RBMS2: variants seen among roughly 807,000 people sequenced by gnomAD.
The protein encoded by RBMS2 is RNA-binding motif, single-stranded-interacting protein 2.
Under a neutral mutation model 58.4 loss-of-function variants are expected in RBMS2, and 38 were observed. That is an observed-to-expected ratio of 0.65 (90% CI 0.50 to 0.85). The LOEUF (loss-of-function observed/expected upper bound fraction) is 0.85, where lower values mean the gene tolerates loss of function less well. Ranked by LOEUF, RBMS2 falls within the 40% of genes least tolerant of loss-of-function variation. RBMS2 has a pLI of 0.00. For synonymous variants in RBMS2, 151 were observed against 180.7 expected (o/e 0.84, Z 1.32); for missense variants, 367 against 503.7 (o/e 0.73, Z 2.60).
At chr12:56,539,085 G>A (rs1048963653) in intron 1 of RBMS2, among the ~76,000 whole-genome samples, 13 of 149,278 alleles carry the variant, frequency 8.7e-5, no homozygotes, top group African/African-American at 3.2e-4. Flanking sequence ...GCGCAATCTC[G>A]GCTTACTGCA....
chr12:56,583,569 G>A (rs1884265320), intron 9 of RBMS2, among the ~76,000 whole-genome samples: 1 of 151,952 alleles, frequency 6.6e-6, no homozygotes, highest in African/African-American at 2.4e-5. Flanking sequence ...CCAGAGAATT[G>A]CTTGAACCCA....
Position 56,595,953 on chromosome 12 carries a change from T to A in RBMS2, c.*6820T>A, listed in dbSNP as rs1174948119. Reference sequence around the variant, plus strand: ...AATCTCTATCAAATGTGGTTTTTTTTATTCAACAACTGACAAGCACTTTTC... The same window carrying A: ...AATCTCTATCAAATGTGGTTTTTTTAATTCAACAACTGACAAGCACTTTTC... On this transcript the variant is annotated 3_prime_UTR_variant, in exon 14 of 14. Coordinates refer to ENST00000262031, the MANE Select transcript of RBMS2 (RefSeq NM_002898.4). 2.7e-5 allele frequency: 4 copies of A among 149,618 alleles called. No homozygotes were observed. The highest frequency in any genetic ancestry group is 4.0e-4 in the East Asian group (2 of 5,060). The allele number at this position is 149,618 out of a possible 1,614,324, so 9.3% of individuals were successfully genotyped here.
At chr12:56,567,850 T>G (rs1881630387) in intron 2 of RBMS2, among the ~76,000 whole-genome samples, 1 of 152,006 alleles carries the variant, frequency 6.6e-6, no homozygotes, top group Admixed American at 6.6e-5. Context: ...CACACAATTT[T>G]TTTTTTAATA....
intron 1 of RBMS2, among the ~76,000 whole-genome samples, chr12:56,529,453 A>C (rs1362900898): frequency 6.6e-6 from 1 of 151,906 alleles, no homozygotes; most frequent in Non-Finnish European, 1.5e-5. Context: ...AGCCCCAGCT[A>C]CTCGGAAGGC....
chr12:56,539,846 CCTT>C (rs1484741440), intron 1 of RBMS2: 17 of 268,282 alleles, frequency 6.3e-5, no homozygotes, highest in Non-Finnish European at 1.1e-4. Flanking sequence ...CTCACATAAA[CCTT>C]CTAAAAACTG....
At chr12:56,525,264 C>T (rs1872451403) in intron 1 of RBMS2, among the ~76,000 whole-genome samples, 1 of 152,084 alleles carries the variant, frequency 6.6e-6, no homozygotes, top group Non-Finnish European at 1.5e-5. Context: ...CCCTGTCACC[C>T]AGGCTGGAGT....
intron 5 of RBMS2, among the ~76,000 whole-genome samples, chr12:56,577,156 C>A (rs1158096930): frequency 6.6e-6 from 1 of 151,844 alleles, no homozygotes; most frequent in Non-Finnish European, 1.5e-5. Flanking sequence ...GTAAGCCCAG[C>A]ACTTTGGGAG....
chr12:56,582,870 A>G (rs554997759), intron 9 of RBMS2, among the ~76,000 whole-genome samples: 23 of 152,068 alleles, frequency 1.5e-4, no homozygotes, highest in African/African-American at 5.3e-4. Context: ...GGGTTTCACC[A>G]TGTTGGCCAG....
chr12:56,595,058 G>C lies in RBMS2; in HGVS notation c.*5925G>C, dbSNP rs904368278. 1 of 152,272 alleles carries C rather than the reference G, an allele frequency of 6.6e-6. No homozygotes were observed. The highest frequency in any genetic ancestry group is 2.1e-4 in the South Asian group (1 of 4,826). 9.4% of individuals were successfully genotyped at this position (152,272 alleles called of 1,614,324 possible). On this transcript the variant is annotated 3_prime_UTR_variant, in exon 14 of 14. Transcript: ENST00000262031. ...GATAGGTCCTGCTGTGATAGGCCAG[G>C]GGAGTAGGCTGTGCAGTGACGGCTT...
chr12:56,588,627 A>G lies in RBMS2; in HGVS notation c.1143+253A>G, dbSNP rs371748361. ...GTGAAGCGTTCCATATTTAAAAAAA[A>G]AACAACAGCAGATGTAGGAAAGAAG... is the stretch of plus-strand genomic sequence containing the variant. On this transcript the variant is annotated intron_variant, in intron 12 of 13. Coordinates refer to ENST00000262031, the MANE Select transcript of RBMS2 (RefSeq NM_002898.4). The G allele has an allele frequency of 3.5e-3, 2,031 of 586,618 alleles. 66 individuals are homozygous for G. In the South Asian group the frequency reaches 0.041, roughly 12 times the overall value. 36.3% of individuals were successfully genotyped at this position (586,618 alleles called of 1,614,324 possible). A position where few individuals can be genotyped will look rare whatever the true frequency, so the allele number is the denominator to read the frequency against.
chr12:56,579,354 G>A (rs548973853), intron 5 of RBMS2, among the ~76,000 whole-genome samples: 3 of 152,130 alleles, frequency 2.0e-5, no homozygotes, highest in Non-Finnish European at 4.4e-5. Flanking sequence ...CTTTTGGCTG[G>A]TTGCGGTGAC....
At chr12:56,552,255 G>A (rs1374849228) in intron 1 of RBMS2, among the ~76,000 whole-genome samples, 1 of 152,208 alleles carries the variant, frequency 6.6e-6, no homozygotes, top group East Asian at 1.9e-4. Flanking sequence ...CTGGAGGTGG[G>A]AAGTAGTCTC....
chr12:56,573,409 G>T (rs1276058604), intron 5 of RBMS2, among the ~76,000 whole-genome samples: 1 of 149,348 alleles, frequency 6.7e-6, no homozygotes, highest in Non-Finnish European at 1.5e-5. Flanking sequence ...CCCGGGAGGC[G>T]GAGGTTGCAG....
intron 1 of RBMS2, 57 bp from the exon 2 acceptor site, chr12:56,562,359 TC>T: frequency 1.3e-6 from 2 of 1,485,296 alleles, no homozygotes. Context: ...AGGATCTTCC[TC>T]ACTCTCCAAC....
intron 5 of RBMS2, chr12:56,573,131 T>C: frequency 1.0e-6 from 1 of 984,678 alleles, no homozygotes; most frequent in Non-Finnish European, 1.2e-6. Context: ...ATATCTTGTC[T>C]GGTCCGTGAA....
chr12:56,573,081 A>G, intron 5 of RBMS2: 1 of 969,274 alleles, frequency 1.0e-6, no homozygotes, highest in Non-Finnish European at 1.2e-6. Flanking sequence ...TTAGTTTCAA[A>G]ATGACTGGAC....
At chr12:56,565,132 G>A (rs1881117763) in intron 2 of RBMS2, among the ~76,000 whole-genome samples, 1 of 152,110 alleles carries the variant, frequency 6.6e-6, no homozygotes, top group Admixed American at 6.6e-5. Context: ...CAATACAAAT[G>A]CCATGTAAAT....
At chr12:56,547,394 G>C (rs748435747) in intron 1 of RBMS2, among the ~76,000 whole-genome samples, 3 of 151,996 alleles carry the variant, frequency 2.0e-5, no homozygotes, top group African/African-American at 2.4e-5. Flanking sequence ...TTCTGGCTGG[G>C]TATGGTGGCT....
chr12:56,538,121 C>T (rs920885624), intron 1 of RBMS2, among the ~76,000 whole-genome samples: 2 of 152,078 alleles, frequency 1.3e-5, no homozygotes, highest in East Asian at 1.9e-4. Context: ...CAACCTCCAC[C>T]TCTTGGGTTC....
Sources: gnomAD v4.1 joint callset for allele counts (sites outside exome capture counted in the v4.1 genomes callset) on GRCh38, gnomAD v4.1.1 for gene constraint, MANE v1.5 for transcripts, NCBI Gene and HGNC (gene_info 2026-07-23, HGNC 2026-07-21) for gene names.